COLGALT2: variants seen among roughly 807,000 people sequenced by gnomAD.
COLGALT2 encodes the protein collagen beta(1-O)galactosyltransferase 2, also known as procollagen galactosyltransferase 2.
COLGALT2 carries 49 observed loss-of-function variants against 73.4 expected under a neutral mutation model. The observed-to-expected ratio is 0.67, with a 90% CI of 0.53 to 0.85. The LOEUF is 0.85. Ranked by LOEUF, COLGALT2 falls within the 40% of genes least tolerant of loss-of-function variation. The pLI is 0.00. For synonymous variants in COLGALT2, 295 were observed against 307.6 expected (o/e 0.96, Z 0.43); for missense variants, 722 against 790.2 (o/e 0.91, Z 1.03).
At chr1:183,967,509 C>A (rs956211220) in intron 5 of COLGALT2, among the ~76,000 whole-genome samples, 3 of 152,206 alleles carry the variant, frequency 2.0e-5, no homozygotes, top group Non-Finnish European at 4.4e-5. Context: ...AGGCCAAGCA[C>A]AGGGCAGAGC....
intron 1 of COLGALT2, among the ~76,000 whole-genome samples, chr1:183,996,165 A>G (rs369797510): frequency 2.6e-5 from 4 of 152,174 alleles, no homozygotes; most frequent in East Asian, 3.9e-4. Flanking sequence ...TCTGCACTGG[A>G]CCACAGCTGG....
Position 183,973,609 on chromosome 1 carries a change from G to T in COLGALT2, c.627+7C>A, listed in dbSNP as rs759412531. 2.5e-6 allele frequency: 4 copies of T among 1,613,842 alleles called. No individual in the cohort carries two copies. Among genetic ancestry groups the T allele is most frequent in the Admixed American group, 3.3e-5 (2 of 59,988 alleles). Reference sequence around the variant, plus strand: ...GTAGCCTTAATTCATTTAAGCAAAAGACTTGCCTTAGGGGTGATTCCGCAC... The same window carrying T: ...GTAGCCTTAATTCATTTAAGCAAAATACTTGCCTTAGGGGTGATTCCGCAC... On this transcript the variant is annotated splice_region_variant and intron_variant, in intron 4 of 11. Coordinates refer to ENST00000361927, the MANE Select transcript of COLGALT2 (RefSeq NM_015101.4).
chr1:183,998,446 T>C (rs1671827307), intron 1 of COLGALT2, among the ~76,000 whole-genome samples: 1 of 152,226 alleles, frequency 6.6e-6, no homozygotes, highest in South Asian at 2.1e-4. Flanking sequence ...CCTCTGTTGG[T>C]TGCAAAAATG....
At chr1:183,978,570 A>G in intron 1 of COLGALT2, 50 bp from the exon 2 acceptor site, 1 of 1,203,892 alleles carries the variant, frequency 8.3e-7, no homozygotes, top group Non-Finnish European at 1.2e-6. Context: ...CCAATGAAAG[A>G]GAGGGAAATC....
At chr1:184,004,520 T>C (rs1419600036) in intron 1 of COLGALT2, among the ~76,000 whole-genome samples, 1 of 152,170 alleles carries the variant, frequency 6.6e-6, no homozygotes, top group Non-Finnish European at 1.5e-5. Context: ...TAAACAACCC[T>C]TTTAGGAGGA....
At chr1:183,972,779 A>C (rs780599892) in intron 4 of COLGALT2, among the ~76,000 whole-genome samples, 16 of 151,896 alleles carry the variant, frequency 1.1e-4, no homozygotes, top group Non-Finnish European at 2.1e-4. Flanking sequence ...GGCTCACTGC[A>C]AGCTCCGCCT....
chr1:183,973,171 TTGA>T (rs1164813206), intron 4 of COLGALT2, among the ~76,000 whole-genome samples: 3 of 152,358 alleles, frequency 2.0e-5, no homozygotes, highest in Admixed American at 6.5e-5. Context: ...ACATAGCCAC[TTGA>T]TGATAACACA....
Position 184,013,955 on chromosome 1 carries a change from G to A in COLGALT2, c.263+23140C>T, listed in dbSNP as rs1206546994. On this transcript the variant is annotated intron_variant, in intron 1 of 11. Coordinates refer to ENST00000361927, the MANE Select transcript of COLGALT2 (RefSeq NM_015101.4). ...GTTTTGGGCAAATGCTTGCATGGCG[G>A]TGGGAATATAGGAGACAGAGCTGGT... Among the ~76,000 whole-genome samples the A allele has an allele frequency of 4.6e-5, 7 of 152,314 alleles. No individual in the cohort carries two copies. The South Asian group carries it at 1.5e-3, about 32-fold the overall frequency.
chr1:183,946,224 G>C (rs1221536269), intron 8 of COLGALT2: 2 of 152,194 alleles, frequency 1.3e-5, no homozygotes. Flanking sequence ...CAAAACCCAT[G>C]AGCAACAACT....
chr1:183,933,758 C>T (rs1669894021), downstream of COLGALT2, among the ~76,000 whole-genome samples: 1 of 152,232 alleles, frequency 6.6e-6, no homozygotes, highest in African/African-American at 2.4e-5. Context: ...GGGGGCAGAG[C>T]TAGTGCTCTG....
chr1:183,990,402 G>T (rs990170100), intron 1 of COLGALT2, among the ~76,000 whole-genome samples: 1 of 152,198 alleles, frequency 6.6e-6, no homozygotes, highest in African/African-American at 2.4e-5. Context: ...CCTCTGTGCC[G>T]GTGATCGTGG....
At chr1:183,933,178 T>A (rs996723619), downstream of COLGALT2, among the ~76,000 whole-genome samples, 6 of 152,140 alleles carry the variant, frequency 3.9e-5, no homozygotes, top group Non-Finnish European at 7.4e-5. Flanking sequence ...TACCACACTA[T>A]TTTCCCCATT....
At position 183,964,011 on chromosome 1, in the gene COLGALT2, A is replaced by G; in HGVS notation, c.842T>C (p.Met281Thr). 6.2e-7 allele frequency: 1 copy of G among 1,613,266 alleles called. No homozygotes were observed. The highest frequency in any genetic ancestry group is 2.2e-5 in the East Asian group (1 of 44,846). ...ATAGTGCTCTCTGTTGCAGAGGTAC[A>G]TCTGGATGCCTGAGGATCCAAGAGA... ...AFSSRQAGIQMYLCNREHYGY... is the reference protein window; with the variant it reads ...AFSSRQAGIQTYLCNREHYGY... The change falls in exon 6 of 12, where the codon ATG becomes ACG. Residue 281 changes from methionine (M) to threonine (T), a missense_variant. Coordinates refer to ENST00000361927, the MANE Select transcript of COLGALT2 (RefSeq NM_015101.4).
chr1:183,936,188 C>T lies in COLGALT2; in HGVS notation c.*2573G>A, dbSNP rs907333853. 1.4e-5 allele frequency: 14 copies of T among 985,392 alleles called. No homozygotes were observed. Among genetic ancestry groups the T allele is most frequent in the Admixed American group, 6.1e-5 (1 of 16,266 alleles). 61.0% of individuals were successfully genotyped at this position (985,392 alleles called of 1,614,324 possible). ...CCAGATGCAAAGGCCTCTATACTGACGCCCTCACATGACACTGCAAAGGTC... is the reference window on the plus strand; with the variant it reads ...CCAGATGCAAAGGCCTCTATACTGATGCCCTCACATGACACTGCAAAGGTC... On this transcript the variant is annotated 3_prime_UTR_variant, in exon 12 of 12. Coordinates refer to ENST00000361927, the MANE Select transcript of COLGALT2 (RefSeq NM_015101.4).
chr1:183,955,337 A>G (rs1020228042), intron 6 of COLGALT2, among the ~76,000 whole-genome samples: 4 of 152,236 alleles, frequency 2.6e-5, no homozygotes, highest in Admixed American at 6.5e-5. Context: ...ACTATGGCCC[A>G]TGATGAAAGA....
At chr1:184,003,060 C>T (rs1671973589) in intron 1 of COLGALT2, among the ~76,000 whole-genome samples, 1 of 152,078 alleles carries the variant, frequency 6.6e-6, no homozygotes, top group African/African-American at 2.4e-5. Flanking sequence ...ATGATGTATA[C>T]ATTATTATGT....
chr1:184,012,899 G>T (rs1197358070), intron 1 of COLGALT2, among the ~76,000 whole-genome samples: 1 of 152,230 alleles, frequency 6.6e-6, no homozygotes, highest in African/African-American at 2.4e-5. Context: ...TTACCGAGCA[G>T]CTTCCTATAA....
chr1:183,947,702 T>G (rs796221485), intron 8 of COLGALT2, among the ~76,000 whole-genome samples: 6 of 151,184 alleles, frequency 4.0e-5, no homozygotes, highest in African/African-American at 1.5e-4. Context: ...AAAGAGAAAA[T>G]TAAACCCAAA....
In COLGALT2 at chr1:184,013,368, T is replaced by C. The variant is rs192950416; in HGVS notation, c.263+23727A>G. On this transcript the variant is annotated intron_variant, in intron 1 of 11. Coordinates refer to ENST00000361927, the MANE Select transcript of COLGALT2 (RefSeq NM_015101.4). ...GTGGGAGATTCGGTAAAGCACACAATAGGTCTCAGCCCAGATTTCAATACC... is the reference window on the plus strand; with the variant it reads ...GTGGGAGATTCGGTAAAGCACACAACAGGTCTCAGCCCAGATTTCAATACC... 2.3e-4 allele frequency among the ~76,000 whole-genome samples: 35 copies of C among 152,276 alleles called. No homozygotes were observed. The East Asian group carries it at 6.0e-3, about 26-fold the overall frequency.
Sources: allele counts gnomAD v4.1 joint callset (sites outside exome capture counted in the v4.1 genomes callset), GRCh38; gene constraint gnomAD v4.1.1; transcripts MANE v1.5; gene names NCBI Gene and HGNC (gene_info 2026-07-23, HGNC 2026-07-21).